MRPL42: variants seen among roughly 807,000 people sequenced by gnomAD.
MRPL42 encodes the protein mitochondrial ribosomal protein L42, also known as large ribosomal subunit protein mL42.
A neutral mutation model predicts 17.9 loss-of-function variants in MRPL42; 17 were observed. The observed-to-expected ratio is 0.95, with a 90% CI of 0.65 to 1.42. The LOEUF is 1.42. Ranked by LOEUF, MRPL42 falls within the 40% of genes most tolerant of loss-of-function variation. The probability of loss-of-function intolerance (pLI) is 0.00; values close to 1 mark genes in which losing one functional copy is unlikely to be tolerated. For synonymous variants in MRPL42, 59 were observed against 54.4 expected (o/e 1.08, Z -0.37); for missense variants, 177 against 175.2 (o/e 1.01, Z -0.06).
intron 5 of MRPL42, among the ~76,000 whole-genome samples, chr12:93,494,223 G>A (rs1204856640): frequency 1.3e-5 from 2 of 152,132 alleles, no homozygotes; most frequent in African/African-American, 4.8e-5. Flanking sequence ...AGAACCAAGG[G>A]AAGTGTTAAC....
intron 5 of MRPL42, among the ~76,000 whole-genome samples, chr12:93,488,794 T>C (rs1953360345): frequency 6.6e-6 from 1 of 152,180 alleles, no homozygotes; most frequent in Non-Finnish European, 1.5e-5. Context: ...TTCTTTTGTA[T>C]CTATCTTCTT....
intron 2 of MRPL42, among the ~76,000 whole-genome samples, chr12:93,474,804 AAT>A (rs1880081032): frequency 6.6e-6 from 1 of 152,126 alleles, no homozygotes; most frequent in Non-Finnish European, 1.5e-5. Context: ...AAGAAAATAA[AAT>A]ATGGCCAGGT....
chr12:93,474,707 G>A (rs2121174787), intron 2 of MRPL42, among the ~76,000 whole-genome samples: 1 of 152,256 alleles, frequency 6.6e-6, no homozygotes, highest in East Asian at 1.9e-4. Context: ...GAGATTACAG[G>A]CGTGAGCTAC....
At position 93,509,413 on chromosome 12, in the gene MRPL42, C is replaced by G. The variant is rs1592794042; in HGVS notation, c.*8192C>G. 1 of 151,876 alleles carries G rather than the reference C, an allele frequency of 6.6e-6. No individual in the cohort carries two copies. The highest frequency in any genetic ancestry group is 6.6e-5 in the Admixed American group (1 of 15,230). The allele number at this position is 151,876 out of a possible 1,614,324, so 9.4% of individuals were successfully genotyped here. On this transcript the variant is annotated 3_prime_UTR_variant, in exon 6 of 6. Coordinates refer to ENST00000549982, the MANE Select transcript of MRPL42 (RefSeq NM_014050.4). Reference sequence around the variant, plus strand: ...TTTTGATTCAGGTACTTGTTGGGCACTCATATCTTTGGTGAAATATCTGTT... The same window carrying G: ...TTTTGATTCAGGTACTTGTTGGGCAGTCATATCTTTGGTGAAATATCTGTT...
intron 2 of MRPL42, among the ~76,000 whole-genome samples, chr12:93,471,039 A>C (rs1261639587): frequency 2.0e-5 from 3 of 152,218 alleles, no homozygotes; most frequent in Non-Finnish European, 4.4e-5. Flanking sequence ...GAAAAGAGCT[A>C]TTTGAAGAAT....
chr12:93,488,657 G>A (rs1456698644), intron 5 of MRPL42, among the ~76,000 whole-genome samples: 1 of 152,110 alleles, frequency 6.6e-6, no homozygotes, highest in Non-Finnish European at 1.5e-5. Context: ...TGATTGGGCA[G>A]CGTATGTTGT....
chr12:93,511,771 GTTAA>G lies in MRPL42; in HGVS notation c.*10556_*10559del, dbSNP rs1170624195. 3 of 152,170 alleles carry G rather than the reference GTTAA, an allele frequency of 2.0e-5. No individual in the cohort carries two copies. Among genetic ancestry groups the G allele is most frequent in the Non-Finnish European group, 4.4e-5 (3 of 68,010 alleles). 9.4% of individuals were successfully genotyped at this position (152,170 alleles called of 1,614,324 possible). On this transcript the variant is annotated 3_prime_UTR_variant, in exon 6 of 6. Transcript: ENST00000549982. ...AGTAAAGTGTGGAATAAATTACTTT[GTTAA>G]TTAATGTGGTTTGAAGCTTTGTAGG...
intron 4 of MRPL42, among the ~76,000 whole-genome samples, chr12:93,482,664 G>C (rs1270846364): frequency 6.6e-6 from 1 of 152,108 alleles, no homozygotes; most frequent in Non-Finnish European, 1.5e-5. Context: ...ACTATTAGTA[G>C]AATAATAGTA....
rs1456850328 is a variant in MRPL42, at chr12:93,485,007, T to TATACAC, written c.220-2487_220-2486insCACATA. On this transcript the variant is annotated intron_variant, in intron 4 of 5. Coordinates refer to ENST00000549982, the MANE Select transcript of MRPL42 (RefSeq NM_014050.4). Reference sequence around the variant, plus strand: ...ATATATATATATATATATATATATATATATATATATATATATATATAAACA... The same window carrying TATACAC: ...ATATATATATATATATATATATATATATACACATATATATATATATATATATAAACA... Among the ~76,000 whole-genome samples the TATACAC allele has an allele frequency of 5.9e-4, 28 of 47,744 alleles. 4 individuals carry two copies. Among genetic ancestry groups the TATACAC allele is most frequent in the African/African-American group, 2.9e-3 (27 of 9,372 alleles). 31.3% of individuals were successfully genotyped at this position (47,744 alleles called of 152,430 possible).
At chr12:93,469,414 T>G (rs1879793919) in intron 2 of MRPL42, 59 bp downstream of exon 2, 1 of 1,299,672 alleles carries the variant, frequency 7.7e-7, no homozygotes, top group African/African-American at 1.5e-5. Flanking sequence ...TTAAGAAAAT[T>G]TAAAGCATTT....
intron 2 of MRPL42, chr12:93,470,642 T>C (rs904107214): frequency 2.1e-6 from 2 of 948,480 alleles, no homozygotes; most frequent in African/African-American, 3.4e-5. Flanking sequence ...GAGTCCCCAG[T>C]GTTTATTGTT....
chr12:93,474,858 A>G, intron 2 of MRPL42, among the ~76,000 whole-genome samples: 1 of 109,504 alleles, frequency 9.1e-6, no homozygotes, highest in East Asian at 2.4e-4. Context: ...TGGGAGGCCA[A>G]GGCGGGCTGG....
At chr12:93,486,926 A>G (rs1038443747) in intron 4 of MRPL42, among the ~76,000 whole-genome samples, 1 of 151,708 alleles carries the variant, frequency 6.6e-6, no homozygotes, top group Non-Finnish European at 1.5e-5. Flanking sequence ...GGCCTCCCAA[A>G]GTGCTGGAAT....
Position 93,511,734 on chromosome 12 carries a change from ACT to A in MRPL42, c.*10516_*10517del, listed in dbSNP as rs1953727256. 1 of 152,186 alleles carries A rather than the reference ACT, an allele frequency of 6.6e-6. No homozygotes were observed. Among genetic ancestry groups the A allele is most frequent in the Non-Finnish European group, 1.5e-5 (1 of 68,030 alleles). 9.4% of individuals were successfully genotyped at this position (152,186 alleles called of 1,614,324 possible). ...CCACTTCATTGCCAACAAACAGCTA[ACT>A]CTAAACAACAGTAAAGTGTGGAATA... On this transcript the variant is annotated 3_prime_UTR_variant, in exon 6 of 6. Coordinates refer to ENST00000549982, the MANE Select transcript of MRPL42 (RefSeq NM_014050.4).
intron 5 of MRPL42, 81 bp from the exon 6 acceptor site, chr12:93,501,095 A>G: frequency 8.7e-7 from 1 of 1,143,660 alleles, no homozygotes; most frequent in Non-Finnish European, 1.2e-6. Flanking sequence ...TCCAATAGCA[A>G]AATAATCATA....
In MRPL42 at chr12:93,514,210, T is replaced by A. The variant is rs537490755; in HGVS notation, c.*12989T>A. On this transcript the variant is annotated 3_prime_UTR_variant, in exon 6 of 6. Transcript: ENST00000549982. ...TCAGCTTTCTCTTGAATTCTTTTAG[T>A]AACTAGGAGTTCACTACGTTTCCAT... 1 of 152,268 alleles carries A rather than the reference T, an allele frequency of 6.6e-6. No homozygotes were observed. Among genetic ancestry groups the A allele is most frequent in the East Asian group, 1.9e-4 (1 of 5,184 alleles). 9.4% of individuals were successfully genotyped at this position (152,268 alleles called of 1,614,324 possible).
chr12:93,468,239 G>A (rs774491617), intron 1 of MRPL42, among the ~76,000 whole-genome samples: 3 of 152,184 alleles, frequency 2.0e-5, no homozygotes, highest in Non-Finnish European at 4.4e-5. Context: ...GGCAGTGCAA[G>A]GTATCAGTGT....
intron 5 of MRPL42, among the ~76,000 whole-genome samples, chr12:93,488,961 G>A (rs1953362729): frequency 1.3e-5 from 2 of 151,848 alleles, no homozygotes; most frequent in Admixed American, 6.6e-5. Flanking sequence ...AAGTAGCTGG[G>A]ATTACAGGCA....
intron 4 of MRPL42, among the ~76,000 whole-genome samples, chr12:93,479,803 A>G (rs1300551510): frequency 2.0e-5 from 3 of 151,818 alleles, no homozygotes; most frequent in Non-Finnish European, 4.4e-5. Context: ...ATTATAATCT[A>G]GACAATTATG....
Sources: allele counts gnomAD v4.1 joint callset (sites outside exome capture counted in the v4.1 genomes callset), GRCh38; gene constraint gnomAD v4.1.1; transcripts MANE v1.5; gene names NCBI Gene and HGNC (gene_info 2026-07-23, HGNC 2026-07-21).